GLS2: variants seen among roughly 807,000 people sequenced by gnomAD.
The protein encoded by GLS2 is glutaminase 2.
A neutral mutation model predicts 79.0 loss-of-function variants in GLS2; 52 were observed. The ratio of observed to expected loss-of-function variants is 0.66; its 90% CI spans 0.53 to 0.83. The LOEUF is 0.83. Among genes scored for constraint, GLS2 ranks in the 40% least tolerant of loss-of-function variants. GLS2 has a pLI of 0.00. For missense variants in GLS2, 561 were observed against 764.8 expected (o/e 0.73, Z 3.14); for synonymous variants, 238 against 280.8 (o/e 0.85, Z 1.52).
intron 1 of GLS2, among the ~76,000 whole-genome samples, chr12:56,484,858 T>C (rs12229485): frequency 6.6e-6 from 1 of 152,072 alleles, no homozygotes; most frequent in African/African-American, 2.4e-5. Flanking sequence ...TAAAAAAAGG[T>C]AAAGTAGTAT....
chr12:56,484,298 T>C (rs1051123603), intron 1 of GLS2, among the ~76,000 whole-genome samples: 2 of 152,110 alleles, frequency 1.3e-5, no homozygotes, highest in South Asian at 2.1e-4. Context: ...ATAGGTAAGA[T>C]TGATTCATCT....
chr12:56,478,088 A>T lies in GLS2; in HGVS notation c.623T>A (p.Val208Glu), dbSNP rs767910672. Residue 208 changes from valine to glutamate, a missense_variant, in exon 6 of 18, where the codon GTG becomes GAG. Physicochemically the swap from Val to Glu is moderately radical, Grantham distance 121. This residue lies in a region of GLS2 where 221 missense variants were observed against 275.6 expected (regional missense o/e 0.80). Coordinates refer to ENST00000311966, the MANE Select transcript of GLS2 (RefSeq NM_013267.4). ...LCTVDGQRHS[V>E]GHTKIPFCLQ... ...GCAGAAGGGGATCTTTGTGTGGCCCACAGAGTGCCTGGAGGCAGACAGATG... is the reference window on the plus strand; with the variant it reads ...GCAGAAGGGGATCTTTGTGTGGCCCTCAGAGTGCCTGGAGGCAGACAGATG... 2.5e-6 allele frequency: 4 copies of T among 1,614,092 alleles called. No homozygotes were observed. In the Admixed American group the frequency reaches 5.0e-5, roughly 20 times the overall value.
intron 15 of GLS2, 198 bp downstream of exon 15, chr12:56,472,492 C>T: frequency 1.6e-6 from 1 of 616,826 alleles, no homozygotes; most frequent in East Asian, 2.8e-5. Flanking sequence ...ATAACAATGG[C>T]TAACATTAAT....
In GLS2 at chr12:56,473,254, G is replaced by C. The variant is rs777988460; in HGVS notation, c.1423C>G (p.Pro475Ala). 2.5e-6 allele frequency: 4 copies of C among 1,613,880 alleles called. No homozygotes were observed. The African/African-American group carries it at 5.3e-5, about 22-fold the overall frequency. ...CGAATTTCTGCCCCTTCACGCCGTGGGTCTAACTTCCGAGCACAGTGCCTC... is the reference window on the plus strand; with the variant it reads ...CGAATTTCTGCCCCTTCACGCCGTGCGTCTAACTTCCGAGCACAGTGCCTC... ...NLRHCARKLD[P>A]RREGAEIRNK... Residue 475 changes from proline (P) to alanine (A), a missense_variant, in exon 14 of 18, where the codon CCA (proline) becomes GCA (alanine). Transcript: ENST00000311966.
In GLS2 at chr12:56,488,133, C is replaced by G. The variant is rs747832402; in HGVS notation, c.-15G>C. On this transcript the variant is annotated 5_prime_UTR_variant, in exon 1 of 18. Transcript: ENST00000311966. The stretch of plus-strand genomic sequence containing the variant: ...ATGGAGCGCATGCCCCAGCAAGCCT[C>G]CGGCTCTGCAGGTGCGCCCGGGACC... The G allele has an allele frequency of 7.9e-6, 12 of 1,521,458 alleles. No homozygotes were observed. The highest frequency in any genetic ancestry group is 1.0e-5 in the Non-Finnish European group (12 of 1,143,490). The allele number at this position is 1,521,458 out of a possible 1,614,324, so 94.2% of individuals were successfully genotyped here.
intron 9 of GLS2, 88 bp downstream of exon 9, chr12:56,475,536 T>C: frequency 7.3e-7 from 1 of 1,366,114 alleles, no homozygotes; most frequent in South Asian, 1.2e-5. Flanking sequence ...CTCCTAAGAT[T>C]CTCTCTCCCC....
intron 1 of GLS2, among the ~76,000 whole-genome samples, chr12:56,482,938 T>C (rs916066681): frequency 1.3e-5 from 2 of 152,072 alleles, no homozygotes; most frequent in African/African-American, 4.8e-5. Flanking sequence ...ATATGACAGC[T>C]AGTTGCGATT....
intron 1 of GLS2, among the ~76,000 whole-genome samples, chr12:56,483,059 GTTTTTTC>G (rs891077132): frequency 5.0e-4 from 75 of 150,044 alleles, no homozygotes; most frequent in African/African-American, 1.6e-3. Context: ...TCACATTGTT[GTTTTTTC>G]TTTTTTCTTT....
chr12:56,472,960 G>A (rs951039466), intron 14 of GLS2: 11 of 584,794 alleles, frequency 1.9e-5, no homozygotes, highest in Non-Finnish European at 3.3e-5. Context: ...CGCGGTCTTG[G>A]CTCACTGCAA....
intron 13 of GLS2, 43 bp from the exon 14 acceptor site, chr12:56,473,363 C>G: frequency 6.2e-7 from 1 of 1,606,870 alleles, no homozygotes. Context: ...ACTCCTTACA[C>G]TTAGTAGGAG....
intron 7 of GLS2, chr12:56,477,354 G>T: frequency 4.1e-6 from 1 of 243,136 alleles, no homozygotes. Flanking sequence ...TCTGGCATTT[G>T]GCCCTTGGTC....
chr12:56,478,778 A>C (rs988422741), intron 4 of GLS2: 3 of 333,474 alleles, frequency 9.0e-6, no homozygotes, highest in Non-Finnish European at 1.7e-5. Flanking sequence ...GGATCACTTG[A>C]GATCAGGAGT....
chr12:56,471,724 A>T, intron 17 of GLS2, 49 bp downstream of exon 17: 4 of 1,610,192 alleles, frequency 2.5e-6, no homozygotes, highest in African/African-American at 2.7e-5. Context: ...GCTGGAGGGT[A>T]GGTGGAGAAG....
At chr12:56,483,218 T>G (rs1048477022) in intron 1 of GLS2, among the ~76,000 whole-genome samples, 1 of 151,058 alleles carries the variant, frequency 6.6e-6, no homozygotes, top group African/African-American at 2.4e-5. Context: ...GTAGCTGGGA[T>G]TACAGGCACG....
chr12:56,477,741 G>A, intron 6 of GLS2, 23 bp from the exon 7 acceptor site: 1 of 1,607,656 alleles, frequency 6.2e-7, no homozygotes, highest in Non-Finnish European at 8.5e-7. Context: ...AAACCACCAA[G>A]AGTCTTAGCC....
intron 12 of GLS2, 45 bp downstream of exon 12, chr12:56,474,499 T>TAG (rs769060469): frequency 6.2e-7 from 1 of 1,609,220 alleles, no homozygotes; most frequent in South Asian, 1.1e-5. Context: ...TCTCTCTTCT[T>TAG]AGCACTGGGC....
chr12:56,475,003 A>G (rs750259305), intron 10 of GLS2, 41 bp downstream of exon 10: 20 of 1,613,856 alleles, frequency 1.2e-5, no homozygotes, highest in Middle Eastern at 3.4e-4. Context: ...CACTAGCAGC[A>G]GAATTCCCAG....
At position 56,479,811 on chromosome 12, in the gene GLS2, C is replaced by T; in HGVS notation, c.373G>A (p.Gly125Ser). ...AAGAGATCTCGGTCCAAGAGGCCAC[C>T]ACTACTGGACTCTTGGACCACGCGG... ...MHRVVQESSS[G>S]GLLDRDLFRK... Residue 125 changes from glycine to serine, a missense_variant, in exon 3 of 18, where the codon GGT becomes AGT. Physicochemically the swap from Gly to Ser is moderately conservative, Grantham distance 56. Around this residue, in one of 4 missense-constraint regions of GLS2, gnomAD observed 161 missense variants for 167.8 expected, o/e 0.96. Transcript: ENST00000311966. 1 of 1,609,748 alleles carries T rather than the reference C, an allele frequency of 6.2e-7. No individual in the cohort carries two copies. The highest frequency in any genetic ancestry group is 1.1e-5 in the South Asian group (1 of 90,802).
At chr12:56,486,001 G>GCA in intron 1 of GLS2, among the ~76,000 whole-genome samples, 1 of 107,220 alleles carries the variant, frequency 9.3e-6, no homozygotes. Context: ...GGGCGGCAAA[G>GCA]AGACTCTGTC....
Sources: allele counts gnomAD v4.1 joint callset (sites outside exome capture counted in the v4.1 genomes callset), GRCh38; gene constraint gnomAD v4.1.1; regional missense constraint gnomAD v4.1.1; transcripts MANE v1.5; gene names NCBI Gene and HGNC (gene_info 2026-07-23, HGNC 2026-07-21).